The following GPR137 variants were observed in gnomAD, a reference collection of about 807,000 sequenced individuals.
GPR137 encodes the protein G protein-coupled receptor 137, also known as integral membrane protein GPR137.
Under a neutral mutation model 38.9 loss-of-function variants are expected in GPR137, and 20 were observed. That is an observed-to-expected ratio of 0.51 (90% CI 0.36 to 0.75). The LOEUF (loss-of-function observed/expected upper bound fraction) is 0.75, where lower values mean the gene tolerates loss of function less well. GPR137 is among the 30% of genes least tolerant of loss of function. GPR137 has a pLI of 0.00. For missense variants in GPR137, 456 were observed against 526.4 expected (o/e 0.87, Z 1.31); for synonymous variants, 226 against 235.8 (o/e 0.96, Z 0.38).
chr11:64,273,879 A>AAG (rs1285471210), upstream of GPR137, among the ~76,000 whole-genome samples: 3 of 151,008 alleles, frequency 2.0e-5, no homozygotes, highest in Admixed American at 6.6e-5. Flanking sequence ...AAAAAAAAAA[A>AAG]AGAGAGGCAG....
upstream of GPR137, chr11:64,272,015 A>C (rs1308952982): frequency 2.2e-5 from 9 of 407,238 alleles, no homozygotes; most frequent in South Asian, 2.4e-4. Flanking sequence ...CTTCTCATTA[A>C]TCCCACGAAT....
upstream of GPR137, chr11:64,271,556 A>T: frequency 7.3e-7 from 1 of 1,363,132 alleles, no homozygotes; most frequent in East Asian, 3.0e-5. Context: ...GCAGGGACAG[A>T]CCGGCGGGGG....
At chr11:64,287,154 C>T in intron 2 of GPR137, 140 bp downstream of exon 2, 2 of 1,468,722 alleles carry the variant, frequency 1.4e-6, no homozygotes, top group South Asian at 1.4e-5. Context: ...AAAGTTAAAG[C>T]ACCTGGCGCA....
chr11:64,277,099 G>GAATTGCACACTT (rs1377826177), intron 2 of GPR137: 4 of 669,386 alleles, frequency 6.0e-6, no homozygotes, highest in Admixed American at 2.2e-5. Flanking sequence ...CTTGCACACT[G>GAATTGCACACTT]AATTGCACAC....
At chr11:64,279,162 C>G (rs1213159584) in intron 2 of GPR137, among the ~76,000 whole-genome samples, 1 of 152,142 alleles carries the variant, frequency 6.6e-6, no homozygotes, top group Non-Finnish European at 1.5e-5. Flanking sequence ...TCCCCTCAGA[C>G]TCATTCCCAG....
Position 64,285,996 on chromosome 11 carries a change from C to A in GPR137, c.-529C>A. ...GTGGGGGAGGGTGGGGCGGGGGCAGCTTTCGAGAATTACGAGGACAGGAGG... is the reference window on the plus strand; with the variant it reads ...GTGGGGGAGGGTGGGGCGGGGGCAGATTTCGAGAATTACGAGGACAGGAGG... On this transcript the variant is annotated 5_prime_UTR_variant, in exon 1 of 7. Transcript: ENST00000438980. The A allele has an allele frequency of 7.1e-6, 7 of 984,236 alleles. No homozygotes were observed. The highest frequency in any genetic ancestry group is 8.4e-6 in the Non-Finnish European group (7 of 828,782). The allele number at this position is 984,236 out of a possible 1,614,324, so 61.0% of individuals were successfully genotyped here. A position where few individuals can be genotyped will look rare whatever the true frequency, so the allele number is the denominator to read the frequency against.
intron 2 of GPR137, among the ~76,000 whole-genome samples, chr11:64,277,840 T>C (rs1469156290): frequency 1.3e-5 from 2 of 152,202 alleles, no homozygotes; most frequent in African/African-American, 4.8e-5. Flanking sequence ...CACTCACCTT[T>C]GTGGCCAGAG....
chr11:64,284,797 C>A, upstream of GPR137: 1 of 1,529,998 alleles, frequency 6.5e-7, no homozygotes. Context: ...CCGGCCCGGC[C>A]CCGCCCCCCC....
chr11:64,275,044 C>T (rs771347338), upstream of GPR137, among the ~76,000 whole-genome samples: 78 of 145,544 alleles, frequency 5.4e-4, 1 homozygote, highest in African/African-American at 6.2e-4. Context: ...GGACGGAATC[C>T]GGAAAGGCCT....
At chr11:64,276,151 A>G (rs2033037275) in intron 1 of GPR137, among the ~76,000 whole-genome samples, 1 of 151,984 alleles carries the variant, frequency 6.6e-6, no homozygotes, top group African/African-American at 2.4e-5. Flanking sequence ...TCTGCCAGGA[A>G]CCTGTCCTAT....
Position 64,286,556 on chromosome 11 carries a change from C to T in GPR137, c.32C>T (p.Ala11Val). The change falls in exon 1 of 7, where the codon GCT becomes GTT. Residue 11 changes from alanine (A) to valine (V), a missense_variant. Physicochemically the swap from Ala to Val is moderately conservative, Grantham distance 64. Transcript: ENST00000438980. The part of the protein sequence containing the change: MESNLSGLVP[A>V]AGLVPALPPA... ...AGTAACCTGTCTGGCCTGGTGCCTG[C>T]TGCCGGGCTGGTGCCTGCGCTGCCA... 1 of 1,612,634 alleles carries T rather than the reference C, an allele frequency of 6.2e-7. No homozygotes were observed. Among genetic ancestry groups the T allele is most frequent in the Non-Finnish European group, 8.5e-7 (1 of 1,179,016 alleles).
intron 1 of GPR137, among the ~76,000 whole-genome samples, chr11:64,276,128 T>C (rs1018118564): frequency 3.9e-5 from 6 of 152,176 alleles, no homozygotes; most frequent in African/African-American, 1.4e-4. Flanking sequence ...TTGGGCCTTC[T>C]GCTAGCACCA....
intron 2 of GPR137, chr11:64,276,781 G>A: frequency 6.4e-6 from 4 of 627,360 alleles, no homozygotes. Flanking sequence ...CCTTGGGTGT[G>A]AACGTGGGTG....
chr11:64,276,800 G>GGCCTGCCCACTCTT, intron 2 of GPR137: 1 of 654,256 alleles, frequency 1.5e-6, no homozygotes, highest in East Asian at 2.7e-5. Context: ...TGGGTGCCCA[G>GGCCTGCCCACTCTT]GCCTGCCCAC....
chr11:64,284,275 A>C, upstream of GPR137: 1 of 1,611,650 alleles, frequency 6.2e-7, no homozygotes, highest in African/African-American at 1.3e-5. Context: ...CCGGAGCCTG[A>C]GGGCCCGTCC....
upstream of GPR137, among the ~76,000 whole-genome samples, chr11:64,273,373 A>AAAT (rs60165855): frequency 1.2e-3 from 183 of 152,136 alleles, 2 homozygotes; most frequent in East Asian, 0.012. Context: ...ACTCTGTCTC[A>AAAT]AATAATAATA....
chr11:64,285,222 G>A, upstream of GPR137: 6 of 987,914 alleles, frequency 6.1e-6, no homozygotes, highest in Non-Finnish European at 7.2e-6. Context: ...GCCCGCCTCG[G>A]GGGACACCTC....
chr11:64,282,857 C>T (rs193078008), upstream of GPR137, among the ~76,000 whole-genome samples: 12 of 142,316 alleles, frequency 8.4e-5, no homozygotes, highest in East Asian at 2.4e-3. Context: ...CCAGCCTGGG[C>T]AGCAGAGTGA....
chr11:64,286,331 A>C lies in GPR137; in HGVS notation c.-194A>C. 1.5e-6 allele frequency: 2 copies of C among 1,373,694 alleles called. No homozygotes were observed. Among genetic ancestry groups the C allele is most frequent in the Non-Finnish European group, 1.9e-6 (2 of 1,067,862 alleles). 85.1% of individuals were successfully genotyped at this position (1,373,694 alleles called of 1,614,324 possible). On this transcript the variant is annotated 5_prime_UTR_variant, in exon 1 of 7. Transcript: ENST00000438980. ...CCCCTGAGTGAGGGGCCTGGGGCCC[A>C]GGCTGCCTGTGTTCCCCAAGGGCAA...
Sources: gnomAD v4.1 joint callset for allele counts (sites outside exome capture counted in the v4.1 genomes callset) on GRCh38, gnomAD v4.1.1 for gene constraint, MANE v1.5 for transcripts, NCBI Gene and HGNC (gene_info 2026-07-23, HGNC 2026-07-21) for gene names.